The following FSIP1 variants were observed in gnomAD, a reference collection of about 807,000 sequenced individuals.
FSIP1 encodes the protein fibrous sheath-interacting protein 1.
FSIP1 carries 65 observed loss-of-function variants against 60.9 expected under a neutral mutation model. That is an observed-to-expected ratio of 1.07 (90% confidence interval 0.87 to 1.31). The LOEUF (loss-of-function observed/expected upper bound fraction) is 1.31. Ranked by LOEUF, FSIP1 falls within the 40% of genes most tolerant of loss-of-function variation. FSIP1 has a pLI of 0.00. For missense variants in FSIP1, 675 were observed against 665.5 expected (o/e 1.01, Z -0.16); for synonymous variants, 209 against 221.2 (o/e 0.94, Z 0.49).
At chr15:39,759,620 G>A (rs1309725009) in intron 5 of FSIP1, among the ~76,000 whole-genome samples, 1 of 152,020 alleles carries the variant, frequency 6.6e-6, no homozygotes, top group Non-Finnish European at 1.5e-5. Flanking sequence ...CACAAACTTG[G>A]TGGCTTCAAA....
chr15:39,735,098 CA>C (rs1320604370), intron 8 of FSIP1, among the ~76,000 whole-genome samples: 10 of 152,194 alleles, frequency 6.6e-5, no homozygotes, highest in Non-Finnish European at 1.2e-4. Context: ...CAATTAATAA[CA>C]AAACCAGAAT....
chr15:39,687,249 G>C (rs1330766375), intron 10 of FSIP1, among the ~76,000 whole-genome samples: 1 of 147,688 alleles, frequency 6.8e-6, no homozygotes, highest in Non-Finnish European at 1.5e-5. Flanking sequence ...CTGCCTCCTG[G>C]GTTCAAGCAA....
At chr15:39,780,321 A>G (rs953487766) in intron 1 of FSIP1, among the ~76,000 whole-genome samples, 63 of 152,274 alleles carry the variant, frequency 4.1e-4, no homozygotes, top group East Asian at 2.5e-3. Context: ...CAGGAGGATC[A>G]AGAACACCCT....
At chr15:39,782,559 T>TCCGCCCCGCCCACTCCTCGGCGCA (rs1216204541) in intron 1 of FSIP1, 69 bp downstream of exon 1, 5 of 139,116 alleles carry the variant, frequency 3.6e-5, no homozygotes, top group African/African-American at 1.1e-4. Flanking sequence ...CCGACGCAGC[T>TCCGCCCCGCCCACTCCTCGGCGCA]CCGCCCCGCC....
At chr15:39,691,515 G>A (rs375676574) in intron 10 of FSIP1, among the ~76,000 whole-genome samples, 6 of 152,210 alleles carry the variant, frequency 3.9e-5, no homozygotes, top group Admixed American at 1.3e-4. Flanking sequence ...TGACGCAGTC[G>A]TCCTGCCTGA....
intron 3 of FSIP1, among the ~76,000 whole-genome samples, chr15:39,768,623 A>G (rs1387379263): frequency 6.6e-6 from 1 of 152,222 alleles, no homozygotes; most frequent in Non-Finnish European, 1.5e-5. Flanking sequence ...TCCTATTGTA[A>G]TCTGTTGTTT....
chr15:39,780,816 G>C (rs896663534), intron 1 of FSIP1, among the ~76,000 whole-genome samples: 6 of 152,172 alleles, frequency 3.9e-5, no homozygotes, highest in African/African-American at 1.4e-4. Flanking sequence ...TCGAACCCCT[G>C]ACCTCAAGTG....
At chr15:39,728,981 T>C (rs752604000) in intron 8 of FSIP1, among the ~76,000 whole-genome samples, 5 of 151,996 alleles carry the variant, frequency 3.3e-5, no homozygotes, top group Non-Finnish European at 7.4e-5. Context: ...CCAACAAGCA[T>C]ATGAAAAAAA....
intron 10 of FSIP1, among the ~76,000 whole-genome samples, chr15:39,686,728 A>C (rs923206222): frequency 6.6e-6 from 1 of 152,242 alleles, no homozygotes; most frequent in Admixed American, 6.5e-5. Context: ...GAAGTTTTAA[A>C]AGATTTTTTA....
intron 10 of FSIP1, among the ~76,000 whole-genome samples, chr15:39,639,791 A>AT (rs1275062438): frequency 6.6e-6 from 1 of 152,208 alleles, no homozygotes; most frequent in Non-Finnish European, 1.5e-5. Context: ...AACGGGGACT[A>AT]TTTTTTCATA....
chr15:39,637,324 T>C (rs955507679), intron 10 of FSIP1, among the ~76,000 whole-genome samples: 2 of 152,222 alleles, frequency 1.3e-5, no homozygotes, highest in African/African-American at 4.8e-5. Flanking sequence ...ATTGAAACGA[T>C]GGTGGATATT....
rs1461639327 is a variant in FSIP1, at chr15:39,611,428, A to T, written c.1699+6307T>A. 2.6e-5 allele frequency among the ~76,000 whole-genome samples: 4 copies of T among 152,198 alleles called. No homozygotes were observed. In the East Asian group the frequency reaches 7.7e-4, roughly 29 times the overall value. ...CATCCTTCCAAGTAGATGGGACTAC[A>T]GGTATGCACAACCATGCCCAGCCTG... On this transcript the variant is annotated intron_variant, in intron 11 of 11. Transcript: ENST00000350221.
intron 11 of FSIP1, among the ~76,000 whole-genome samples, chr15:39,607,873 T>C (rs1362959002): frequency 6.6e-6 from 1 of 152,252 alleles, no homozygotes; most frequent in Non-Finnish European, 1.5e-5. Flanking sequence ...CTCTTGTGTA[T>C]CTATTTCCTG....
chr15:39,720,043 T>A (rs977862990), intron 9 of FSIP1, among the ~76,000 whole-genome samples: 1 of 152,306 alleles, frequency 6.6e-6, no homozygotes, highest in African/African-American at 2.4e-5. Context: ...GTGACTAGCA[T>A]ACATTTAAAA....
intron 10 of FSIP1, among the ~76,000 whole-genome samples, chr15:39,650,825 T>C (rs1224586458): frequency 2.0e-5 from 3 of 152,282 alleles, no homozygotes; most frequent in Non-Finnish European, 4.4e-5. Context: ...CTCTGTGCTC[T>C]GCTTTCTTAC....
At chr15:39,755,847 C>A (rs1444653110) in intron 5 of FSIP1, among the ~76,000 whole-genome samples, 1 of 152,042 alleles carries the variant, frequency 6.6e-6, no homozygotes, top group African/African-American at 2.4e-5. Flanking sequence ...AAAAGAATAA[C>A]CTCTATCAAA....
chr15:39,703,000 T>C (rs1895121489), intron 10 of FSIP1, among the ~76,000 whole-genome samples: 1 of 128,638 alleles, frequency 7.8e-6, no homozygotes, highest in Non-Finnish European at 1.7e-5. Context: ...TTTTTTTTTT[T>C]AGATGGAGTT....
intron 10 of FSIP1, among the ~76,000 whole-genome samples, chr15:39,670,267 T>G (rs1202726401): frequency 6.6e-6 from 1 of 152,140 alleles, no homozygotes; most frequent in Non-Finnish European, 1.5e-5. Context: ...GAGCACCAAC[T>G]ATGTGCCAGT....
At chr15:39,754,002 G>A (rs2140677980) in intron 5 of FSIP1, among the ~76,000 whole-genome samples, 1 of 152,138 alleles carries the variant, frequency 6.6e-6, no homozygotes, top group South Asian at 2.1e-4. Flanking sequence ...ACATATAAAT[G>A]ATAATATAAG....
Sources: allele counts gnomAD v4.1 joint callset (sites outside exome capture counted in the v4.1 genomes callset), GRCh38; gene constraint gnomAD v4.1.1; transcripts MANE v1.5; gene names NCBI Gene and HGNC (gene_info 2026-07-23, HGNC 2026-07-21).